Variants in FAM169A observed in about 807,000 individuals in gnomAD.
FAM169A encodes family with sequence similarity 169 member A.
FAM169A carries 24 observed loss-of-function variants against 75.7 expected under a neutral mutation model. That is an observed-to-expected ratio of 0.32 (90% confidence interval 0.23 to 0.45). The LOEUF (loss-of-function observed/expected upper bound fraction) is 0.45. Ranked by LOEUF, FAM169A falls within the 20% of genes least tolerant of loss-of-function variation. The pLI is 1.00. For synonymous variants in FAM169A, 271 were observed against 271.0 expected, an observed-to-expected ratio of 1.00 and a Z score of 0.00; for missense variants, 673 against 784.0, an observed-to-expected ratio of 0.86 and a Z score of 1.69.
At chr5:74,782,544 A>G (rs1745465832) in intron 12 of FAM169A, among the ~76,000 whole-genome samples, 1 of 152,208 alleles carries the variant, frequency 6.6e-6, no homozygotes, top group Non-Finnish European at 1.5e-5. Flanking sequence ...AAATACTCCA[A>G]CAAGTTTTTT....
intron 1 of FAM169A, among the ~76,000 whole-genome samples, chr5:74,857,840 T>A (rs953276941): frequency 6.6e-6 from 1 of 152,074 alleles, no homozygotes; most frequent in South Asian, 2.1e-4. Context: ...TCTCTGCCCA[T>A]TGTAAGTACT....
intron 11 of FAM169A, among the ~76,000 whole-genome samples, chr5:74,792,451 G>A (rs1416807230): frequency 6.6e-6 from 1 of 152,116 alleles, no homozygotes; most frequent in African/African-American, 2.4e-5. Context: ...TTTCTCCTGT[G>A]CTGGATGCTT....
chr5:74,785,676 C>G (rs962944242), intron 11 of FAM169A, among the ~76,000 whole-genome samples: 1 of 152,142 alleles, frequency 6.6e-6, no homozygotes, highest in African/African-American at 2.4e-5. Context: ...GCATGAGAAT[C>G]GCTTAAACTC....
intron 1 of FAM169A, among the ~76,000 whole-genome samples, chr5:74,858,494 A>G (rs974594632): frequency 2.0e-5 from 3 of 152,220 alleles, no homozygotes; most frequent in Non-Finnish European, 4.4e-5. Flanking sequence ...GAAAAACCGA[A>G]TACCACATGT....
In FAM169A at chr5:74,809,985, C is replaced by T. The variant is rs1045686442; in HGVS notation, c.670+3855G>A. On this transcript the variant is annotated intron_variant, in intron 6 of 12. Transcript: ENST00000687041. ...CCCAGTAATGACACTCTTAGGTATT[C>T]GCTACAAAGAAATGAAAACAAACGT... 5.3e-5 allele frequency among the ~76,000 whole-genome samples: 8 copies of T among 152,196 alleles called. No individual in the cohort carries two copies. The South Asian group carries it at 1.5e-3, about 28-fold the overall frequency.
chr5:74,842,193 AG>A (rs57912924), intron 1 of FAM169A, among the ~76,000 whole-genome samples: 53,969 of 151,156 alleles, frequency 0.36, 12,828 homozygotes, highest in African/African-American at 0.68. Flanking sequence ...GGGCCAAGGA[AG>A]GGTGGATCAT....
At chr5:74,791,076 C>A (rs912947916) in intron 11 of FAM169A, among the ~76,000 whole-genome samples, 1 of 152,160 alleles carries the variant, frequency 6.6e-6, no homozygotes, top group Non-Finnish European at 1.5e-5. Context: ...AAAAGCAGTG[C>A]GGCAGTGGGC....
At chr5:74,818,789 CTCTCTCTCTCTCTCTATA>C (rs1747610636) in intron 5 of FAM169A, among the ~76,000 whole-genome samples, 1 of 138,152 alleles carries the variant, frequency 7.2e-6, no homozygotes, top group South Asian at 2.3e-4. Context: ...CTCTCTCTCT[CTCTCTCTCTCTCTCTATA>C]TATATATATA....
chr5:74,805,032 A>G lies in FAM169A; in HGVS notation c.799+124T>C, dbSNP rs1191931082. The G allele has an allele frequency of 3.9e-6, 3 of 760,860 alleles. No homozygotes were observed. The African/African-American group carries it at 5.2e-5, about 13-fold the overall frequency. 47.1% of individuals were successfully genotyped at this position (760,860 alleles called of 1,614,324 possible). A position where few individuals can be genotyped will look rare whatever the true frequency, so the allele number is the denominator to read the frequency against. The stretch of plus-strand genomic sequence containing the variant: ...AACAATCACATTATAATACACTACC[A>G]CTCTGGACTCTAAGACACAACCATT... On this transcript the variant is annotated intron_variant, in intron 7 of 12. Transcript: ENST00000687041.
chr5:74,819,793 G>A (rs577523947), intron 5 of FAM169A, among the ~76,000 whole-genome samples: 2 of 152,096 alleles, frequency 1.3e-5, no homozygotes, highest in South Asian at 4.2e-4. Flanking sequence ...AACAAAAGAC[G>A]CCAGACACAA....
chr5:74,863,772 G>A (rs1267772265), intron 1 of FAM169A, among the ~76,000 whole-genome samples: 3 of 152,076 alleles, frequency 2.0e-5, no homozygotes, highest in African/African-American at 7.2e-5. Flanking sequence ...CCAAACTGGA[G>A]TCAATACAAT....
intron 1 of FAM169A, among the ~76,000 whole-genome samples, chr5:74,854,332 T>C (rs994925266): frequency 4.0e-5 from 6 of 151,822 alleles, no homozygotes; most frequent in South Asian, 2.1e-4. Flanking sequence ...GAGGTGGAGG[T>C]TGCAGTGAGC....
intron 1 of FAM169A, among the ~76,000 whole-genome samples, chr5:74,844,054 T>C (rs1488089892): frequency 6.6e-6 from 1 of 152,108 alleles, no homozygotes; most frequent in African/African-American, 2.4e-5. Flanking sequence ...ATATATGACA[T>C]GGAGTTTATA....
chr5:74,857,594 A>AAAAC (rs1749788358), intron 1 of FAM169A, among the ~76,000 whole-genome samples: 1 of 135,580 alleles, frequency 7.4e-6, no homozygotes, highest in Non-Finnish European at 1.6e-5. Flanking sequence ...AAAAAAAAAA[A>AAAAC]AAAAAAAAAA....
At chr5:74,842,774 A>C (rs1311358511) in intron 1 of FAM169A, among the ~76,000 whole-genome samples, 1 of 152,066 alleles carries the variant, frequency 6.6e-6, no homozygotes, top group African/African-American at 2.4e-5. Flanking sequence ...AGGTTTTAAC[A>C]CTAAAGATTA....
At chr5:74,794,595 G>A (rs560865084) in intron 11 of FAM169A, among the ~76,000 whole-genome samples, 51 of 151,414 alleles carry the variant, frequency 3.4e-4, no homozygotes, top group African/African-American at 1.2e-3. Context: ...TGGCTAACAC[G>A]GTGAAACCCC....
At chr5:74,838,140 C>T (rs1748668246) in intron 4 of FAM169A, among the ~76,000 whole-genome samples, 1 of 146,584 alleles carries the variant, frequency 6.8e-6, no homozygotes, top group Non-Finnish European at 1.5e-5. Flanking sequence ...AAAAAAAATT[C>T]ATGATCCTCA....
intron 11 of FAM169A, among the ~76,000 whole-genome samples, chr5:74,787,858 T>C (rs1745773861): frequency 6.6e-6 from 1 of 151,464 alleles, no homozygotes; most frequent in Non-Finnish European, 1.5e-5. Flanking sequence ...CCAGGTCGAG[T>C]GGACAAAAGA....
chr5:74,784,442 G>A (rs1319812636), intron 11 of FAM169A, among the ~76,000 whole-genome samples: 1 of 143,532 alleles, frequency 7.0e-6, no homozygotes, highest in Non-Finnish European at 1.5e-5. Flanking sequence ...AGGATGCAGA[G>A]GTAGCAGTGA....
Sources: allele counts gnomAD v4.1 joint callset (sites outside exome capture counted in the v4.1 genomes callset), GRCh38; gene constraint gnomAD v4.1.1; transcripts MANE v1.5; gene names NCBI Gene and HGNC (gene_info 2026-07-23, HGNC 2026-07-21).